The following CD93 variants were observed in gnomAD, a reference collection of about 807,000 sequenced individuals.
The protein encoded by CD93 is complement component C1q receptor.
In CD93, 44 loss-of-function variants were observed where a neutral mutation model predicts 45.5. That is an observed-to-expected ratio of 0.97 (90% confidence interval 0.76 to 1.24). CD93 has a LOEUF of 1.24. CD93 is among the 50% of genes most tolerant of loss of function. The pLI is 0.00. For missense variants in CD93, 918 were observed against 844.5 expected, an observed-to-expected ratio of 1.09 and a Z score of -1.08; for synonymous variants, 431 against 370.8, an observed-to-expected ratio of 1.16 and a Z score of -1.87.
At position 23,085,289 on chromosome 20, in the gene CD93, A is replaced by T; in HGVS notation, c.904T>A (p.Ser302Thr). 6.2e-7 allele frequency: 1 copy of T among 1,613,924 alleles called. No homozygotes were observed. The highest frequency in any genetic ancestry group is 2.2e-5 in the East Asian group (1 of 44,872). Residue 302 changes from serine (S) to threonine (T), a missense_variant, in exon 1 of 2, where the codon TCT becomes ACT. Physicochemically the swap from Ser to Thr is moderately conservative, Grantham distance 58 (BLOSUM62 1). Coordinates refer to ENST00000246006, the MANE Select transcript of CD93 (RefSeq NM_012072.4). ...GGGCTGGAGCTGCAAGGGTTTCGAG[A>T]GGCACAGGTCACCAGGTCATCCAGC... Reference protein sequence around the residue: ...RLLDDLVTCASRNPCSSSPCR... With the variant: ...RLLDDLVTCATRNPCSSSPCR...
At chr20:23,084,111 G>A (rs546895677) in intron 1 of CD93, 137 bp from the exon 2 acceptor site, 12 of 1,401,372 alleles carry the variant, frequency 8.6e-6, no homozygotes, top group East Asian at 2.3e-5. Context: ...TGCCTGGCGT[G>A]GGGGGAGGTT....
chr20:23,085,180 G>A lies in CD93; in HGVS notation c.1013C>T (p.Ser338Leu), dbSNP rs189654785. 7 of 1,586,556 alleles carry A rather than the reference G, an allele frequency of 4.4e-6. No individual in the cohort carries two copies. Among genetic ancestry groups the A allele is most frequent in the Non-Finnish European group, 3.4e-6 (4 of 1,165,574 alleles). Residue 338 changes from serine to leucine, a missense_variant, in exon 1 of 2, where the codon TCG becomes TTG. By Grantham distance (145) the Ser-to-Leu change is moderately radical. Coordinates refer to ENST00000246006, the MANE Select transcript of CD93 (RefSeq NM_012072.4). Reference sequence around the variant, plus strand: ...CACGTCCACACAGTCCAGCTGACTCGAGTCCAGCTGGTACCCTTGGGGGCA... The same window carrying A: ...CACGTCCACACAGTCCAGCTGACTCAAGTCCAGCTGGTACCCTTGGGGGCA... ...CRCPQGYQLD[S>L]SQLDCVDVDE...
Position 23,079,934 on chromosome 20 carries a change from T to C in CD93, c.*4016A>G, listed in dbSNP as rs1985281111. On this transcript the variant is annotated 3_prime_UTR_variant, in exon 2 of 2. Coordinates refer to ENST00000246006, the MANE Select transcript of CD93 (RefSeq NM_012072.4). ...CTAGTATGAAAATAGTGTCTTTGATTAGTGAATATATGGAGAATTCGGATT... is the reference window on the plus strand; with the variant it reads ...CTAGTATGAAAATAGTGTCTTTGATCAGTGAATATATGGAGAATTCGGATT... The C allele has an allele frequency of 6.6e-6, 1 of 151,790 alleles. No individual in the cohort carries two copies. Among genetic ancestry groups the C allele is most frequent in the African/African-American group, 2.4e-5 (1 of 41,290 alleles). The allele number at this position is 151,790 out of a possible 1,614,324, so 9.4% of individuals were successfully genotyped here. A position where few individuals can be genotyped will look rare whatever the true frequency, so the allele number is the denominator to read the frequency against.
Position 23,083,582 on chromosome 20 carries a change from CT to C in CD93, c.*367del, listed in dbSNP as rs1210013732. 1.1e-5 allele frequency: 3 copies of C among 269,212 alleles called. No individual in the cohort carries two copies. The highest frequency in any genetic ancestry group is 2.1e-5 in the Non-Finnish European group (3 of 140,968). The allele number at this position is 269,212 out of a possible 1,614,324, so 16.7% of individuals were successfully genotyped here. On this transcript the variant is annotated 3_prime_UTR_variant, in exon 2 of 2. Coordinates refer to ENST00000246006, the MANE Select transcript of CD93 (RefSeq NM_012072.4). ...ATCCTAATCAGCATGAGCAACTCAC[CT>C]TTTCCTCTTAGATGGTGGAAGTGAG... is the stretch of plus-strand genomic sequence containing the variant.
Position 23,085,428 on chromosome 20 carries a change from G to C in CD93, c.765C>G (p.Pro255=). The C allele has an allele frequency of 1.9e-6, 3 of 1,613,902 alleles. No homozygotes were observed. Among genetic ancestry groups the C allele is most frequent in the Non-Finnish European group, 2.5e-6 (3 of 1,180,028 alleles). The change falls in exon 1 of 2, where the codon CCC becomes CCG. Residue 255 remains proline (P), a synonymous_variant. Coordinates refer to ENST00000246006, the MANE Select transcript of CD93 (RefSeq NM_012072.4). ...PDVFDWGSSG[P]LCVSPKYGCN... ...AGCCATACTTGGGGCTGACACAGAG[G>C]GGGCCCGAGCTGCCCCAGTCGAACA...
rs989715906 is a variant in CD93, at chr20:23,082,336, C to G, written c.*1614G>C. 2.0e-5 allele frequency: 3 copies of G among 152,196 alleles called. No homozygotes were observed. Among genetic ancestry groups the G allele is most frequent in the Non-Finnish European group, 1.5e-5 (1 of 68,086 alleles). 9.4% of individuals were successfully genotyped at this position (152,196 alleles called of 1,614,324 possible). A position where few individuals can be genotyped will look rare whatever the true frequency, so the allele number is the denominator to read the frequency against. On this transcript the variant is annotated 3_prime_UTR_variant, in exon 2 of 2. Transcript: ENST00000246006. ...GACCGATGCATTGCTAAGGCAAAAC[C>G]AGAAACACCCTTTCTCTGAGGCTTT...
rs751963448 is a variant in CD93, at chr20:23,081,097, G to GT, written c.*2852dup. 4.6e-5 allele frequency: 7 copies of GT among 152,156 alleles called. No individual in the cohort carries two copies. Among genetic ancestry groups the GT allele is most frequent in the Non-Finnish European group, 1.0e-4 (7 of 68,040 alleles). 9.4% of individuals were successfully genotyped at this position (152,156 alleles called of 1,614,324 possible). ...AGAGAGTTGGTCCTGAATATATTCAGTTTTTTCCAAGAGTCTCCCAGAATT... is the reference window on the plus strand; with the variant it reads ...AGAGAGTTGGTCCTGAATATATTCAGTTTTTTTCCAAGAGTCTCCCAGAATT... On this transcript the variant is annotated 3_prime_UTR_variant, in exon 2 of 2. Coordinates refer to ENST00000246006, the MANE Select transcript of CD93 (RefSeq NM_012072.4).
At position 23,080,465 on chromosome 20, in the gene CD93, G is replaced by C. The variant is rs1253735574; in HGVS notation, c.*3485C>G. ...TTAAACTCAGTTCATCCTGCAAAAT[G>C]GACATAACACATGCATATAAAGGTT... On this transcript the variant is annotated 3_prime_UTR_variant, in exon 2 of 2. Coordinates refer to ENST00000246006, the MANE Select transcript of CD93 (RefSeq NM_012072.4). The C allele has an allele frequency of 6.6e-6, 1 of 152,232 alleles. No homozygotes were observed. The highest frequency in any genetic ancestry group is 1.5e-5 in the Non-Finnish European group (1 of 68,044). 9.4% of individuals were successfully genotyped at this position (152,232 alleles called of 1,614,324 possible).
chr20:23,086,178 C>T lies in CD93; in HGVS notation c.15G>A (p.Met5Ile), dbSNP rs756665792. The T allele has an allele frequency of 1.3e-6, 2 of 1,542,232 alleles. No homozygotes were observed. Among genetic ancestry groups the T allele is most frequent in the South Asian group, 1.2e-5 (1 of 84,742 alleles). ...GCAGCAGCAGCAGCAGCAGCAGGCCCATGGAGGTGGCCATCCCGGTCTCTG... is the reference window on the plus strand; with the variant it reads ...GCAGCAGCAGCAGCAGCAGCAGGCCTATGGAGGTGGCCATCCCGGTCTCTG... MATS[M>I]GLLLLLLLLL... Residue 5 changes from methionine (M) to isoleucine (I), a missense_variant, in exon 1 of 2, where the codon ATG (methionine) becomes ATA (isoleucine). Met to Ile is a conservative substitution (Grantham distance 10). Coordinates refer to ENST00000246006, the MANE Select transcript of CD93 (RefSeq NM_012072.4).
rs547572724 is a variant in CD93 at position 23,079,390 on chromosome 20, T to A, written c.*4560A>T. 23 of 152,318 alleles carry A rather than the reference T, an allele frequency of 1.5e-4. No individual in the cohort carries two copies. The highest frequency in any genetic ancestry group is 5.5e-4 in the African/African-American group (23 of 41,574). 9.4% of individuals were successfully genotyped at this position (152,318 alleles called of 1,614,324 possible). ...TTAAGAGTTTATTAGGATAGGCACA[T>A]AACAGAAAGCTCAAAGGACAACAAA... On this transcript the variant is annotated 3_prime_UTR_variant, in exon 2 of 2. Transcript: ENST00000246006.
In CD93 at chr20:23,085,290, G is replaced by T. The variant is rs777712789; in HGVS notation, c.903C>A (p.Ala301=). ...GGCTGGAGCTGCAAGGGTTTCGAGA[G>T]GCACAGGTCACCAGGTCATCCAGCA... ...FRLLDDLVTC[A]SRNPCSSSPC... Residue 301 remains alanine (A), a synonymous_variant, in exon 1 of 2, where the codon GCC becomes GCA. Coordinates refer to ENST00000246006, the MANE Select transcript of CD93 (RefSeq NM_012072.4). 6 of 1,613,994 alleles carry T rather than the reference G, an allele frequency of 3.7e-6. No individual in the cohort carries two copies. In the South Asian group the frequency reaches 5.5e-5, roughly 15 times the overall value.
rs1007361638 is a variant in CD93, at chr20:23,083,533, T to A, written c.*417A>T. ...TAATTAATTGATTTAGTTTTCATCCTAGGAAGAGAAACAAATCATTTCAAT... is the reference window on the plus strand; with the variant it reads ...TAATTAATTGATTTAGTTTTCATCCAAGGAAGAGAAACAAATCATTTCAAT... On this transcript the variant is annotated 3_prime_UTR_variant, in exon 2 of 2. Transcript: ENST00000246006. 5.5e-6 allele frequency: 1 copy of A among 181,904 alleles called. No individual in the cohort carries two copies. The highest frequency in any genetic ancestry group is 2.3e-5 in the African/African-American group (1 of 42,606). The allele number at this position is 181,904 out of a possible 1,614,324, so 11.3% of individuals were successfully genotyped here.
chr20:23,085,702 G>T lies in CD93; in HGVS notation c.491C>A (p.Pro164His). ...PSRLPKWSEG[P>H]CGSPGSPGSN... ...TCCGGGGGAGCCTGGGCTCCCACAG[G>T]GGCCCTCAGACCACTTGGGGAGGCG... The change falls in exon 1 of 2, where the codon CCC (proline) becomes CAC (histidine). Residue 164 changes from proline (P) to histidine (H), a missense_variant. Transcript: ENST00000246006. The T allele has an allele frequency of 6.2e-7, 1 of 1,611,204 alleles. No individual in the cohort carries two copies. The highest frequency in any genetic ancestry group is 8.5e-7 in the Non-Finnish European group (1 of 1,179,684).
chr20:23,084,119 G>T, intron 1 of CD93, 140 bp downstream of exon 1: 1 of 1,410,288 alleles, frequency 7.1e-7, no homozygotes, highest in Non-Finnish European at 1.0e-6. Context: ...GTGGGGGGAG[G>T]TTGAGGGGTC....
In CD93 at chr20:23,084,479, T is replaced by C; in HGVS notation, c.1714A>G (p.Asn572Asp). ...AGGDSSVATQ[N>D]NDGTDGQKLL... ...TTTTGCCCGTCAGTGCCATCGTTGT[T>C]TTGTGTGGCCACGGAGGAGTCCCCA... is the stretch of plus-strand genomic sequence containing the variant. The change falls in exon 1 of 2, where the codon AAC becomes GAC. Residue 572 changes from asparagine to aspartate, a missense_variant. Physicochemically the swap from Asn to Asp is conservative, Grantham distance 23. Transcript: ENST00000246006. The C allele has an allele frequency of 6.2e-7, 1 of 1,614,194 alleles. No individual in the cohort carries two copies. The highest frequency in any genetic ancestry group is 8.5e-7 in the Non-Finnish European group (1 of 1,180,054).
chr20:23,083,971 C>G lies in CD93; in HGVS notation c.1938G>C (p.Pro646=), dbSNP rs188991758. The G allele has an allele frequency of 1.2e-6, 2 of 1,614,116 alleles. No homozygotes were observed. The highest frequency in any genetic ancestry group is 1.7e-6 in the Non-Finnish European group (2 of 1,180,004). The change falls in exon 2 of 2, where the codon CCG becomes CCC. Residue 646 remains proline, a synonymous_variant. Transcript: ENST00000246006. ...ACTTTCAGCAGTCTGTCCCAGGTGT[C>G]GGACTATGGGAAACAAAACAGACAG... The part of the protein sequence containing the change: ...ESRAMENQYS[P]TPGTDC
Position 23,083,623 on chromosome 20 carries a change from A to T in CD93, c.*327T>A. The stretch of plus-strand genomic sequence containing the variant: ...GTGGAAGTGAGCAGAGAAGATATTC[A>T]GGGGAGCCCCTTAGCCCCGGCCTCC... On this transcript the variant is annotated 3_prime_UTR_variant, in exon 2 of 2. Coordinates refer to ENST00000246006, the MANE Select transcript of CD93 (RefSeq NM_012072.4). 2.5e-6 allele frequency: 1 copy of T among 406,328 alleles called. No individual in the cohort carries two copies. The highest frequency in any genetic ancestry group is 4.5e-6 in the Non-Finnish European group (1 of 221,812). The allele number at this position is 406,328 out of a possible 1,614,324, so 25.2% of individuals were successfully genotyped here. A position where few individuals can be genotyped will look rare whatever the true frequency, so the allele number is the denominator to read the frequency against.
chr20:23,084,354 C>T lies in CD93; in HGVS notation c.1839G>A (p.Arg613=), dbSNP rs778798728. The change falls in exon 1 of 2, where the codon AGG becomes AGA. Residue 613 remains arginine (R), a synonymous_variant. Coordinates refer to ENST00000246006, the MANE Select transcript of CD93 (RefSeq NM_012072.4). ...GGGGCTTCTTCTCCTTCTTCTCCTC[C>T]CTCTTCGCTCTCCGCTTGCGATAGA... The part of the protein sequence containing the change: ...LLVYRKRRAK[R]EEKKEKKPQN... The T allele has an allele frequency of 1.1e-5, 17 of 1,614,146 alleles. No individual in the cohort carries two copies. Among genetic ancestry groups the T allele is most frequent in the Non-Finnish European group, 1.0e-5 (12 of 1,180,056 alleles).
Position 23,084,864 on chromosome 20 carries a change from G to A in CD93, c.1329C>T (p.Cys443=). ...AGTGGAAGGACCCTTGTGTGTTGAA[G>A]CACAAGCTGTCGCAGAGGGGGCCCC... ...GPGGPLCDSL[C]FNTQGSFHCG... The change falls in exon 1 of 2, where the codon TGC becomes TGT. Residue 443 remains cysteine, a synonymous_variant. Coordinates refer to ENST00000246006, the MANE Select transcript of CD93 (RefSeq NM_012072.4). 6.2e-7 allele frequency: 1 copy of A among 1,613,246 alleles called. No homozygotes were observed. The highest frequency in any genetic ancestry group is 8.5e-7 in the Non-Finnish European group (1 of 1,179,924).
Sources: gnomAD v4.1 joint callset for allele counts on GRCh38, gnomAD v4.1.1 for gene constraint, MANE v1.5 for transcripts, NCBI Gene and HGNC (gene_info 2026-07-23, HGNC 2026-07-21) for gene names.